The following OTUD7A variants were observed in gnomAD, a reference collection of about 807,000 sequenced individuals.
The protein encoded by OTUD7A is OTU deubiquitinase 7A.
Under a neutral mutation model 65.7 loss-of-function variants are expected in OTUD7A, and 12 were observed. The ratio of observed to expected loss-of-function variants is 0.18; its 90% CI spans 0.12 to 0.30. The LOEUF is 0.30. OTUD7A is among the 10% of genes least tolerant of loss of function. OTUD7A has a pLI of 1.00. For synonymous variants in OTUD7A, 641 were observed against 586.3 expected, an observed-to-expected ratio of 1.09 and a Z score of -1.35; for missense variants, 1,148 against 1,304.8, an observed-to-expected ratio of 0.88 and a Z score of 1.85.
intron 1 of OTUD7A, among the ~76,000 whole-genome samples, chr15:31,750,490 C>A (rs528090549): frequency 1.4e-5 from 2 of 147,666 alleles, no homozygotes; most frequent in East Asian, 4.0e-4. Flanking sequence ...TCATTTTTTG[C>A]AGAATTAGAA....
chr15:31,561,281 G>C (rs890197965), intron 4 of OTUD7A, among the ~76,000 whole-genome samples: 1 of 152,238 alleles, frequency 6.6e-6, no homozygotes, highest in Non-Finnish European at 1.5e-5. Flanking sequence ...CTTGAGTGCA[G>C]GAGCAGTGGA....
intron 8 of OTUD7A, among the ~76,000 whole-genome samples, chr15:31,510,333 A>T (rs1397295729): frequency 6.7e-6 from 1 of 149,218 alleles, no homozygotes; most frequent in African/African-American, 2.5e-5. Context: ...GAGGGACTTA[A>T]TTTTTGGTGT....
At chr15:31,537,790 T>G (rs907247165) in intron 5 of OTUD7A, among the ~76,000 whole-genome samples, 3 of 152,206 alleles carry the variant, frequency 2.0e-5, no homozygotes, top group Non-Finnish European at 4.4e-5. Flanking sequence ...TCCTCTGCAT[T>G]GATCTCAGCT....
At chr15:31,752,587 T>C (rs1251503939) in intron 1 of OTUD7A, among the ~76,000 whole-genome samples, 1 of 152,194 alleles carries the variant, frequency 6.6e-6, no homozygotes. Flanking sequence ...CTGGAAAACA[T>C]TAGCTTGCTG....
At chr15:31,674,663 C>T (rs571756848) in intron 1 of OTUD7A, among the ~76,000 whole-genome samples, 335 of 152,288 alleles carry the variant, frequency 2.2e-3, no homozygotes, top group Middle Eastern at 3.4e-3. Context: ...TGCTGGACGA[C>T]GATCCAGTCT....
intron 10 of OTUD7A, among the ~76,000 whole-genome samples, chr15:31,500,859 G>A (rs1197999912): frequency 1.3e-5 from 2 of 152,246 alleles, no homozygotes; most frequent in African/African-American, 2.4e-5. Flanking sequence ...CTGGGGGAGT[G>A]AGTCTCTGCC....
At chr15:31,551,509 T>G (rs183330307) in intron 5 of OTUD7A, among the ~76,000 whole-genome samples, 88 of 152,336 alleles carry the variant, frequency 5.8e-4, no homozygotes, top group African/African-American at 2.0e-3. Flanking sequence ...TGGGGAGCTA[T>G]TAGTCACTTA....
rs1286592689 is a variant in OTUD7A at position 31,483,242 on chromosome 15, G to T, written c.*52C>A. On this transcript the variant is annotated 3_prime_UTR_variant, in exon 13 of 13. Coordinates refer to ENST00000307050, the MANE Select transcript of OTUD7A (RefSeq NM_001382637.1). Reference sequence around the variant, plus strand: ...ATGTAAAAAAGACACCGACACAATGGAAAAGAAATCCTCGAAGGTAGAACC... The same window carrying T: ...ATGTAAAAAAGACACCGACACAATGTAAAAGAAATCCTCGAAGGTAGAACC... The T allele has an allele frequency of 4.7e-5, 50 of 1,060,192 alleles. No individual in the cohort carries two copies. Among genetic ancestry groups the T allele is most frequent in the Non-Finnish European group, 5.5e-5 (48 of 879,824 alleles). 65.7% of individuals were successfully genotyped at this position (1,060,192 alleles called of 1,614,324 possible).
intron 1 of OTUD7A, among the ~76,000 whole-genome samples, chr15:31,717,407 C>G (rs1893619357): frequency 6.6e-6 from 1 of 152,106 alleles, no homozygotes; most frequent in Non-Finnish European, 1.5e-5. Flanking sequence ...CAGTTCCCAA[C>G]AGGCCCCAGT....
chr15:31,586,426 C>A (rs1391915973), intron 3 of OTUD7A, among the ~76,000 whole-genome samples: 1 of 152,170 alleles, frequency 6.6e-6, no homozygotes, highest in Non-Finnish European at 1.5e-5. Flanking sequence ...AGCAGCCCCC[C>A]AGGGCTGTGG....
At chr15:31,630,958 CTTTAT>C (rs2141249305) in intron 3 of OTUD7A, among the ~76,000 whole-genome samples, 1 of 152,398 alleles carries the variant, frequency 6.6e-6, no homozygotes, top group Non-Finnish European at 1.5e-5. Flanking sequence ...TCCTCCATCC[CTTTAT>C]TTTGAGCCTA....
At chr15:31,783,113 A>G (rs1273606703) in intron 1 of OTUD7A, among the ~76,000 whole-genome samples, 1 of 152,184 alleles carries the variant, frequency 6.6e-6, no homozygotes, top group Admixed American at 6.5e-5. Flanking sequence ...ACAGCCACTG[A>G]GCCGGGAAGA....
intron 1 of OTUD7A, among the ~76,000 whole-genome samples, chr15:31,864,357 A>G (rs1897822561): frequency 6.6e-6 from 1 of 152,186 alleles, no homozygotes; most frequent in Non-Finnish European, 1.5e-5. Context: ...CCCTGCTGAT[A>G]AAGACATATG....
intron 1 of OTUD7A, among the ~76,000 whole-genome samples, chr15:31,761,902 C>A (rs959883): frequency 0.99 from 150,485 of 152,342 alleles, 74,359 homozygotes; most frequent in East Asian, 1. Context: ...AGCCAAACAC[C>A]AAAGATAATA....
intron 1 of OTUD7A, among the ~76,000 whole-genome samples, chr15:31,666,197 T>G (rs1892315703): frequency 6.6e-6 from 1 of 152,122 alleles, no homozygotes; most frequent in East Asian, 1.9e-4. Context: ...GGCTTTCTTC[T>G]TTCTCTGTCT....
intron 1 of OTUD7A, among the ~76,000 whole-genome samples, chr15:31,727,863 C>A (rs10459624): frequency 0.7 from 106,448 of 151,986 alleles, 37,648 homozygotes; most frequent in South Asian, 0.8. Flanking sequence ...TCTTGGCTGG[C>A]CTTTCTGTGG....
chr15:31,851,553 G>C (rs1897425415), intron 1 of OTUD7A, among the ~76,000 whole-genome samples: 1 of 152,200 alleles, frequency 6.6e-6, no homozygotes, highest in Non-Finnish European at 1.5e-5. Flanking sequence ...TGGTTGTACA[G>C]GTGACCCCAG....
chr15:31,575,293 C>T (rs1889171513), intron 3 of OTUD7A, among the ~76,000 whole-genome samples: 2 of 152,220 alleles, frequency 1.3e-5, no homozygotes, highest in African/African-American at 4.8e-5. Flanking sequence ...GAGTAACAAA[C>T]TTCTTCCTTT....
intron 3 of OTUD7A, among the ~76,000 whole-genome samples, chr15:31,584,296 C>T (rs1175605949): frequency 6.6e-6 from 1 of 152,192 alleles, no homozygotes; most frequent in Non-Finnish European, 1.5e-5. Context: ...TAATTGAAAG[C>T]CTTGCTAGAC....
Sources: gnomAD v4.1 joint callset for allele counts (sites outside exome capture counted in the v4.1 genomes callset) on GRCh38, gnomAD v4.1.1 for gene constraint, MANE v1.5 for transcripts, NCBI Gene and HGNC (gene_info 2026-07-23, HGNC 2026-07-21) for gene names.